TRRAP: variants seen among roughly 807,000 people sequenced by gnomAD.
TRRAP encodes the protein transformation/transcription domain-associated protein.
In TRRAP, 41 loss-of-function variants were observed where a neutral mutation model predicts 438.8. That is an observed-to-expected ratio of 0.09 (90% CI 0.07 to 0.12). The LOEUF (loss-of-function observed/expected upper bound fraction) is 0.12, where lower values mean the gene tolerates loss of function less well. TRRAP is among the 10% of genes least tolerant of loss of function. TRRAP has a pLI of 1.00. For synonymous variants in TRRAP, 1,994 were observed against 1,962.9 expected (o/e 1.02, Z -0.42); for missense variants, 3,122 against 5,055.1 (o/e 0.62, Z 11.60).
intron 20 of TRRAP, 91 bp from the exon 21 acceptor site, chr7:98,921,662 C>T: frequency 1.3e-6 from 2 of 1,535,502 alleles, no homozygotes; most frequent in Non-Finnish European, 1.8e-6. Context: ...AGGCATGAGC[C>T]ACTACGCCTG....
chr7:98,942,770 T>C, intron 30 of TRRAP, among the ~76,000 whole-genome samples, 179 bp from the exon 31 acceptor site: 1 of 152,218 alleles, frequency 6.6e-6, no homozygotes, highest in East Asian at 1.9e-4. Context: ...GCTTTTTATT[T>C]TGAAACATGA....
chr7:98,998,988 AG>A, intron 67 of TRRAP: 2 of 629,376 alleles, frequency 3.2e-6, no homozygotes, highest in South Asian at 2.1e-5. Flanking sequence ...CAGGCCCTGC[AG>A]GCCCCCACAG....
At chr7:98,975,151 C>T (rs570320295) in intron 53 of TRRAP, among the ~76,000 whole-genome samples, 1 of 152,234 alleles carries the variant, frequency 6.6e-6, no homozygotes, top group Non-Finnish European at 1.5e-5. Context: ...ACAGTCCTCA[C>T]AGGGCAGCCT....
At chr7:98,989,966 G>T (rs538860472) in intron 63 of TRRAP, among the ~76,000 whole-genome samples, 1 of 152,190 alleles carries the variant, frequency 6.6e-6, no homozygotes, top group African/African-American at 2.4e-5. Flanking sequence ...GGTGGCTCAC[G>T]CTTGTAAACC....
intron 20 of TRRAP, 123 bp downstream of exon 20, chr7:98,917,802 C>A: frequency 7.8e-7 from 1 of 1,286,978 alleles, no homozygotes; most frequent in Non-Finnish European, 1.0e-6. Context: ...TTTAATTCAT[C>A]TTCGTGAGTC....
rs775635279 is a variant in TRRAP, at chr7:98,978,752, G to T, written c.8499-17G>T. The T allele has an allele frequency of 6.2e-7, 1 of 1,614,040 alleles. No homozygotes were observed. The highest frequency in any genetic ancestry group is 8.5e-7 in the Non-Finnish European group (1 of 1,180,034). ...GCTGGTGATTGAGCTTTTGCTCTGG[G>T]ATCTGTGGTCTTCTAGATGCTCCAA... On this transcript the variant is annotated splice_polypyrimidine_tract_variant and intron_variant, in intron 57 of 72. Coordinates refer to ENST00000456197, the MANE Select transcript of TRRAP (RefSeq NM_001375524.1).
chr7:98,950,188 G>A lies in TRRAP; in HGVS notation c.5260G>A (p.Ala1754Thr), dbSNP rs782809492. Reference sequence around the variant, plus strand: ...AGAGATTCCCAAAAATTACAGCATCGCTCAGAAACGTGCCCTGTTCTTTCG... The same window carrying A: ...AGAGATTCCCAAAAATTACAGCATCACTCAGAAACGTGCCCTGTTCTTTCG... ...EEEIPKNYSI[A>T]QKRALFFRFV... The change falls in exon 38 of 73, where the codon GCT (alanine) becomes ACT (threonine). Residue 1754 changes from alanine (A) to threonine (T), a missense_variant. Physicochemically the swap from Ala to Thr is moderately conservative, Grantham distance 58 (BLOSUM62 0). Coordinates refer to ENST00000456197, the MANE Select transcript of TRRAP (RefSeq NM_001375524.1). 2.2e-5 allele frequency: 36 copies of A among 1,614,022 alleles called. No individual in the cohort carries two copies. Among genetic ancestry groups the A allele is most frequent in the Admixed American group, 1.8e-4 (11 of 59,996 alleles).
intron 3 of TRRAP, among the ~76,000 whole-genome samples, chr7:98,887,920 C>G (rs181462047): frequency 6.6e-6 from 1 of 152,226 alleles, no homozygotes; most frequent in East Asian, 1.9e-4. Flanking sequence ...ACCAGCTTGT[C>G]AGACTCCTGA....
intron 30 of TRRAP, among the ~76,000 whole-genome samples, chr7:98,941,068 T>C (rs1554415493): frequency 6.6e-6 from 1 of 152,228 alleles, no homozygotes. Flanking sequence ...TTCATTTTTG[T>C]ATATGGCATT....
At position 98,953,251 on chromosome 7, in the gene TRRAP, G is replaced by A. The variant is rs781849870; in HGVS notation, c.5548G>A (p.Ala1850Thr). The A allele has an allele frequency of 5.6e-6, 9 of 1,613,336 alleles. No homozygotes were observed. Among genetic ancestry groups the A allele is most frequent in the Admixed American group, 3.3e-5 (2 of 59,976 alleles). The stretch of plus-strand genomic sequence containing the variant: ...GTACGCCACGCTGCTGGTGGAGCAC[G>A]CCCCCCACCACATCCATGACAACAA... ...LQYATLLVEH[A>T]PHHIHDNNKN... Residue 1850 changes from alanine to threonine, a missense_variant, in exon 40 of 73, where the codon GCC (alanine) becomes ACC (threonine). Ala to Thr is a moderately conservative substitution (Grantham distance 58). Around this residue, in one of 24 missense-constraint regions of TRRAP, gnomAD observed 272 missense variants for 348.5 expected, o/e 0.78. Coordinates refer to ENST00000456197, the MANE Select transcript of TRRAP (RefSeq NM_001375524.1).
intron 53 of TRRAP, among the ~76,000 whole-genome samples, chr7:98,974,884 G>T (rs962572482): frequency 3.8e-5 from 5 of 132,624 alleles, no homozygotes; most frequent in South Asian, 5.7e-4. Flanking sequence ...CTGTGATGAT[G>T]ATTTTTTCAG....
Position 98,921,739 on chromosome 7 carries a change from A to G in TRRAP, c.2623-14A>G. The G allele has an allele frequency of 6.2e-7, 1 of 1,613,790 alleles. No homozygotes were observed. On this transcript the variant is annotated splice_polypyrimidine_tract_variant and intron_variant, in intron 20 of 72. Coordinates refer to ENST00000456197, the MANE Select transcript of TRRAP (RefSeq NM_001375524.1). ...ACCTTAAGAGGACCTTAATGAAAGC[A>G]CGCTGATTTTCAGGCTCTGTGGCGC...
At chr7:98,946,210 A>G (rs1270739857) in intron 33 of TRRAP, among the ~76,000 whole-genome samples, 3 of 152,206 alleles carry the variant, frequency 2.0e-5, no homozygotes, top group African/African-American at 7.2e-5. Flanking sequence ...TATATTCAAG[A>G]TTGAATTAGA....
In TRRAP at chr7:98,917,548, T is replaced by C. The variant is rs782422023; in HGVS notation, c.2491T>C (p.Leu831=). The change falls in exon 20 of 73, where the codon TTG becomes CTG. Residue 831 remains leucine (L), a synonymous_variant. Coordinates refer to ENST00000456197, the MANE Select transcript of TRRAP (RefSeq NM_001375524.1). ...LPYLPMLMDP[L]VSALNGSQTL... is the part of the protein sequence containing the mutation. ...GTACCTGCCCATGCTTATGGATCCCTTGGTGTCTGCACTCAATGGGTCTCA... is the reference window on the plus strand; with the variant it reads ...GTACCTGCCCATGCTTATGGATCCCCTGGTGTCTGCACTCAATGGGTCTCA... The C allele has an allele frequency of 4.3e-6, 7 of 1,614,208 alleles. No individual in the cohort carries two copies. Among genetic ancestry groups the C allele is most frequent in the African/African-American group, 1.3e-5 (1 of 75,050 alleles).
In TRRAP at chr7:99,001,601, C is replaced by CA. The variant is rs1198196120; in HGVS notation, c.10310-2586dup. Among the ~76,000 whole-genome samples, 3 of 152,186 alleles carry CA rather than the reference C, an allele frequency of 2.0e-5. No individual in the cohort carries two copies. The South Asian group carries it at 6.2e-4, about 32-fold the overall frequency. ...TCAGCATGAGGCTCCTGACTCATCTCAAAGTGCAGTGGGTCTCAGACACGC... is the reference window on the plus strand; with the variant it reads ...TCAGCATGAGGCTCCTGACTCATCTCAAAAGTGCAGTGGGTCTCAGACACGC... On this transcript the variant is annotated intron_variant, in intron 67 of 72. Coordinates refer to ENST00000456197, the MANE Select transcript of TRRAP (RefSeq NM_001375524.1).
Position 98,948,826 on chromosome 7 carries a change from T to A in TRRAP, c.4788+141T>A. ...ATCCATTTGAATATTGGAAACAGCATTGCTGTTTGGTTGTGTCTGTGAAAT... is the reference window on the plus strand; with the variant it reads ...ATCCATTTGAATATTGGAAACAGCAATGCTGTTTGGTTGTGTCTGTGAAAT... On this transcript the variant is annotated intron_variant, in intron 35 of 72. Transcript: ENST00000456197. The surrounding 1 kb of genome is among the most constrained non-coding windows in gnomAD (Gnocchi z 4.9). 1 of 1,374,104 alleles carries A rather than the reference T, an allele frequency of 7.3e-7. No homozygotes were observed. Among genetic ancestry groups the A allele is most frequent in the Non-Finnish European group, 9.8e-7 (1 of 1,019,812 alleles). 85.1% of individuals were successfully genotyped at this position (1,374,104 alleles called of 1,614,324 possible).
intron 43 of TRRAP, among the ~76,000 whole-genome samples, chr7:98,957,497 G>A (rs1022972720): frequency 5.9e-5 from 9 of 152,114 alleles, no homozygotes; most frequent in Admixed American, 3.9e-4. Flanking sequence ...TTGAGCCCTC[G>A]CATTGACTGT....
intron 26 of TRRAP, 123 bp from the exon 27 acceptor site, chr7:98,933,118 C>T (rs573535562): frequency 4.5e-6 from 6 of 1,320,222 alleles, no homozygotes; most frequent in East Asian, 2.6e-5. Context: ...ATGTATCTCC[C>T]GTTCCCTAAT....
At chr7:98,979,032 G>C in intron 58 of TRRAP, 128 bp downstream of exon 58, 1 of 1,216,680 alleles carries the variant, frequency 8.2e-7, no homozygotes, top group Non-Finnish European at 1.1e-6. Flanking sequence ...GGAAGGAAAG[G>C]TTCCTTTTGA....
Sources: allele counts gnomAD v4.1 joint callset (sites outside exome capture counted in the v4.1 genomes callset), GRCh38; gene constraint gnomAD v4.1.1; regional missense constraint gnomAD v4.1.1; non-coding constraint Gnocchi (gnomAD v3.1); transcripts MANE v1.5; gene names NCBI Gene and HGNC (gene_info 2026-07-23, HGNC 2026-07-21).